GRIK4: variants seen among roughly 807,000 people sequenced by gnomAD.
GRIK4 encodes the protein glutamate receptor ionotropic, kainate 4.
Under a neutral mutation model 104.9 loss-of-function variants are expected in GRIK4, and 40 were observed. The ratio of observed to expected loss-of-function variants is 0.38; its 90% confidence interval spans 0.30 to 0.50. GRIK4 has a LOEUF of 0.50. Ranked by LOEUF, GRIK4 falls within the 20% of genes least tolerant of loss-of-function variation. GRIK4 has a pLI of 0.93. For synonymous variants in GRIK4, 485 were observed against 524.9 expected, an observed-to-expected ratio of 0.92 and a Z score of 1.04; for missense variants, 1,047 against 1,308.1, an observed-to-expected ratio of 0.80 and a Z score of 3.08.
intron 1 of GRIK4, among the ~76,000 whole-genome samples, chr11:120,550,352 G>T (rs963039738): frequency 7.7e-6 from 1 of 129,454 alleles, no homozygotes; most frequent in African/African-American, 3.0e-5. Flanking sequence ...TGGGGGTGGG[G>T]TGAGTTGGGG....
At chr11:120,775,677 T>C (rs1174851078) in intron 3 of GRIK4, among the ~76,000 whole-genome samples, 3 of 152,268 alleles carry the variant, frequency 2.0e-5, no homozygotes, top group African/African-American at 7.2e-5. Context: ...ATACCCGTCA[T>C]ATTCAGAGCC....
At chr11:120,674,467 G>A (rs1239609600) in intron 3 of GRIK4, among the ~76,000 whole-genome samples, 5 of 152,234 alleles carry the variant, frequency 3.3e-5, no homozygotes, top group Admixed American at 3.3e-4. Context: ...CAGAAGCAAG[G>A]CTGCTCTTTG....
intron 1 of GRIK4, among the ~76,000 whole-genome samples, chr11:120,599,461 C>A (rs971048774): frequency 6.6e-6 from 1 of 152,178 alleles, no homozygotes. Context: ...CTGGACTTAA[C>A]AGAGTTTCCG....
intron 18 of GRIK4, chr11:120,962,945 G>T: frequency 2.9e-6 from 1 of 340,514 alleles, no homozygotes; most frequent in Non-Finnish European, 5.3e-6. Flanking sequence ...AATTTAAAGG[G>T]CTAATAGTAA....
At chr11:120,934,940 G>T (rs914728541) in intron 13 of GRIK4, among the ~76,000 whole-genome samples, 1 of 152,080 alleles carries the variant, frequency 6.6e-6, no homozygotes, top group Admixed American at 6.5e-5. Flanking sequence ...TTTTAGACCT[G>T]CCTTCCCCAG....
At chr11:120,949,575 A>G (rs1180755726) in intron 14 of GRIK4, among the ~76,000 whole-genome samples, 1 of 152,224 alleles carries the variant, frequency 6.6e-6, no homozygotes, top group Non-Finnish European at 1.5e-5. Context: ...ATAAATGGTG[A>G]TGGGTATAAA....
chr11:120,857,595 A>G (rs7950796), intron 8 of GRIK4, among the ~76,000 whole-genome samples: 47,948 of 152,068 alleles, frequency 0.32, 8,609 homozygotes, highest in East Asian at 0.49. Flanking sequence ...GATTTAAAAA[A>G]AAAATACAAT....
At chr11:120,756,913 C>G (rs958488062) in intron 3 of GRIK4, among the ~76,000 whole-genome samples, 1 of 152,218 alleles carries the variant, frequency 6.6e-6, no homozygotes, top group Non-Finnish European at 1.5e-5. Flanking sequence ...CCCAGCCAGC[C>G]CCTGCCCAGC....
Position 120,524,224 on chromosome 11 carries a change from C to T in GRIK4, c.-159+12337C>T, listed in dbSNP as rs533232299. On this transcript the variant is annotated intron_variant, in intron 1 of 20. Coordinates refer to ENST00000527524, the MANE Select transcript of GRIK4 (RefSeq NM_014619.5). This position sits in a 1 kb window ranked among gnomAD's most constrained non-coding sequence, Gnocchi z 4.5. ...AGCGGCGTGAGCCACCGCGTCTGGC[C>T]GTTTCTGCATTCTTTCCCCAACAAC... Among the ~76,000 whole-genome samples the T allele has an allele frequency of 3.9e-5, 6 of 152,312 alleles. No homozygotes were observed. The South Asian group carries it at 8.3e-4, about 21-fold the overall frequency.
At chr11:120,964,076 T>TCCGC (rs201385207) in intron 18 of GRIK4, among the ~76,000 whole-genome samples, 8,427 of 151,986 alleles carry the variant, frequency 0.055, 330 homozygotes, top group Non-Finnish European at 0.088. Context: ...CACTGCAACC[T>TCCGC]CCGCCTCCCA....
intron 1 of GRIK4, among the ~76,000 whole-genome samples, chr11:120,611,170 C>T (rs981419518): frequency 6.6e-6 from 1 of 152,080 alleles, no homozygotes; most frequent in East Asian, 1.9e-4. Flanking sequence ...TCCCTTGGCC[C>T]ATTTGTCCAG....
intron 3 of GRIK4, among the ~76,000 whole-genome samples, chr11:120,682,586 C>G (rs1210400175): frequency 2.4e-5 from 3 of 126,656 alleles, no homozygotes; most frequent in Non-Finnish European, 5.1e-5. Context: ...ACTATTTGCC[C>G]CCATCTTTTT....
intron 3 of GRIK4, among the ~76,000 whole-genome samples, chr11:120,685,302 C>A (rs1950258277): frequency 6.6e-6 from 1 of 152,162 alleles, no homozygotes; most frequent in Non-Finnish European, 1.5e-5. Context: ...CCAGTCCTAT[C>A]CCAGAGGTAC....
chr11:120,875,370 G>C (rs1954755006), intron 11 of GRIK4, 127 bp downstream of exon 11: 2 of 683,420 alleles, frequency 2.9e-6, no homozygotes, highest in South Asian at 3.4e-5. Flanking sequence ...TCCTGGGCAA[G>C]GCTCCTGACC....
chr11:120,683,396 G>C (rs148358330), intron 3 of GRIK4, among the ~76,000 whole-genome samples: 1 of 152,172 alleles, frequency 6.6e-6, no homozygotes, highest in Non-Finnish European at 1.5e-5. Flanking sequence ...GAGAGACCTT[G>C]GGGTAGGGGC....
chr11:120,864,520 G>A (rs544766566), intron 9 of GRIK4, among the ~76,000 whole-genome samples: 3 of 152,230 alleles, frequency 2.0e-5, no homozygotes, highest in Admixed American at 6.5e-5. Flanking sequence ...GATTACAGGC[G>A]TGAGCCATCA....
chr11:120,729,784 A>G (rs974804956), intron 3 of GRIK4, among the ~76,000 whole-genome samples: 6 of 151,826 alleles, frequency 4.0e-5, no homozygotes, highest in South Asian at 2.1e-4. Context: ...TTATTTGTCA[A>G]TTTTTTTCTG....
chr11:120,767,831 G>A (rs1275726299), intron 3 of GRIK4, among the ~76,000 whole-genome samples: 3 of 152,058 alleles, frequency 2.0e-5, no homozygotes, highest in Non-Finnish European at 4.4e-5. Flanking sequence ...TCCTCTTGGT[G>A]CCCTTGTCAA....
chr11:120,751,529 G>T (rs552751920), intron 3 of GRIK4, among the ~76,000 whole-genome samples: 1 of 152,258 alleles, frequency 6.6e-6, no homozygotes, highest in African/African-American at 2.4e-5. Flanking sequence ...GTTGGGTTCT[G>T]CATAGAGTCC....
Sources: gnomAD v4.1 joint callset for allele counts (sites outside exome capture counted in the v4.1 genomes callset) on GRCh38, gnomAD v4.1.1 for gene constraint, Gnocchi (gnomAD v3.1) non-coding constraint, MANE v1.5 for transcripts, NCBI Gene and HGNC (gene_info 2026-07-23, HGNC 2026-07-21) for gene names.